The following VPS8 variants were observed in gnomAD, a reference collection of about 807,000 sequenced individuals.
The protein encoded by VPS8 is vacuolar protein sorting-associated protein 8 homolog.
A neutral mutation model predicts 216.4 loss-of-function variants in VPS8; 129 were observed. The observed-to-expected ratio is 0.60, with a 90% CI of 0.52 to 0.69. VPS8 has a LOEUF of 0.69. Among genes scored for constraint, VPS8 ranks in the 30% least tolerant of loss-of-function variants. The pLI, the probability that VPS8 is intolerant of heterozygous loss-of-function variation, is 0.00. For missense variants in VPS8, 1,531 were observed against 1,683.5 expected (o/e 0.91, Z 1.59); for synonymous variants, 571 against 565.4 (o/e 1.01, Z -0.14).
At chr3:185,014,520 T>A (rs1236015273) in intron 45 of VPS8, among the ~76,000 whole-genome samples, 1 of 152,214 alleles carries the variant, frequency 6.6e-6, no homozygotes, top group Non-Finnish European at 1.5e-5. Flanking sequence ...ATTTGCCAAG[T>A]TTTTGCTATC....
chr3:184,833,731 A>G (rs1045404199), intron 4 of VPS8, among the ~76,000 whole-genome samples: 3 of 152,122 alleles, frequency 2.0e-5, no homozygotes, highest in African/African-American at 7.2e-5. Flanking sequence ...ACACCTTTAC[A>G]TCTTCATATT....
intron 25 of VPS8, chr3:184,901,223 A>G (rs914209999): frequency 4.8e-5 from 20 of 415,616 alleles, no homozygotes; most frequent in African/African-American, 3.3e-4. Flanking sequence ...TTCTGTCACT[A>G]TACTTCATGT....
rs1331256446 is a variant in VPS8 at position 184,975,382 on chromosome 3, T to G, written c.3420+3630T>G. Among the ~76,000 whole-genome samples, 5 of 152,272 alleles carry G rather than the reference T, an allele frequency of 3.3e-5. No homozygotes were observed. The East Asian group carries it at 9.6e-4, about 29-fold the overall frequency. On this transcript the variant is annotated intron_variant, in intron 40 of 47. Transcript: ENST00000625842. ...ATTGGTATGTAGAAATGCTACTGATTGTTGAATGTTGATTTTTGAATCCAG... is the reference window on the plus strand; with the variant it reads ...ATTGGTATGTAGAAATGCTACTGATGGTTGAATGTTGATTTTTGAATCCAG...
chr3:185,019,762 A>G (rs62289500), intron 45 of VPS8, among the ~76,000 whole-genome samples: 7,987 of 152,292 alleles, frequency 0.052, 240 homozygotes, highest in Non-Finnish European at 0.062. Flanking sequence ...TTTATGGCCA[A>G]TTTTGGGGCC....
intron 21 of VPS8, among the ~76,000 whole-genome samples, chr3:184,881,325 G>C (rs990306999): frequency 6.6e-6 from 1 of 152,122 alleles, no homozygotes; most frequent in South Asian, 2.1e-4. Flanking sequence ...TTTTACATAA[G>C]ATATGAGACT....
At chr3:185,019,184 G>T (rs112601223) in intron 45 of VPS8, among the ~76,000 whole-genome samples, 12,539 of 152,092 alleles carry the variant, frequency 0.082, 704 homozygotes, top group Non-Finnish European at 0.11. Flanking sequence ...CTCACCATGG[G>T]GATTGCTTAA....
intron 34 of VPS8, 95 bp from the exon 35 acceptor site, chr3:184,936,151 C>T (rs1741566868): frequency 9.9e-6 from 10 of 1,010,350 alleles, no homozygotes; most frequent in Admixed American, 4.9e-5. Flanking sequence ...TGGAAGCTTG[C>T]GACTGTATTG....
At chr3:184,963,394 T>C (rs1434958535) in intron 37 of VPS8, among the ~76,000 whole-genome samples, 2 of 152,136 alleles carry the variant, frequency 1.3e-5, no homozygotes, top group African/African-American at 2.4e-5. Context: ...CCTGCACATA[T>C]TAAATTTGTT....
chr3:184,861,426 T>C (rs1726357292), intron 15 of VPS8, among the ~76,000 whole-genome samples: 2 of 152,248 alleles, frequency 1.3e-5, no homozygotes, highest in African/African-American at 2.4e-5. Flanking sequence ...CATGATTTAT[T>C]GATTTAGTTG....
intron 46 of VPS8, among the ~76,000 whole-genome samples, chr3:185,038,870 G>T (rs924240108): frequency 3.3e-5 from 5 of 152,180 alleles, no homozygotes; most frequent in African/African-American, 1.2e-4. Context: ...GGGCAAGGGT[G>T]ATCAGAGACC....
intron 28 of VPS8, among the ~76,000 whole-genome samples, chr3:184,919,394 T>C (rs1738208543): frequency 6.6e-6 from 1 of 152,178 alleles, no homozygotes; most frequent in Admixed American, 6.5e-5. Flanking sequence ...CAGTAAAAAT[T>C]TTCATTTCCA....
At chr3:184,987,658 A>C (rs1751317864) in intron 42 of VPS8, among the ~76,000 whole-genome samples, 1 of 152,176 alleles carries the variant, frequency 6.6e-6, no homozygotes. Context: ...GTTGCCTTCC[A>C]GTTCTGAAAA....
Position 184,969,161 on chromosome 3 carries a change from A to G in VPS8, c.3316+2448A>G, listed in dbSNP as rs145546875. Among the ~76,000 whole-genome samples, 1,313 of 152,258 alleles carry G rather than the reference A, an allele frequency of 8.6e-3. 16 individuals are homozygous for G. The highest frequency in any genetic ancestry group is 0.024 in the African/African-American group (1,014 of 41,538). On this transcript the variant is annotated intron_variant, in intron 39 of 47. Transcript: ENST00000625842. Reference sequence around the variant, plus strand: ...GGGACGGCGTCTCGCTCTGTTGCCCAGGCTGGAGTGCAGTGGCGCAATCTT... The same window carrying G: ...GGGACGGCGTCTCGCTCTGTTGCCCGGGCTGGAGTGCAGTGGCGCAATCTT...
At chr3:184,999,410 TTTG>T (rs1412662250) in intron 44 of VPS8, among the ~76,000 whole-genome samples, 1 of 152,210 alleles carries the variant, frequency 6.6e-6, no homozygotes, top group Non-Finnish European at 1.5e-5. Flanking sequence ...GATTTCATAG[TTTG>T]AGAAATGAAC....
At chr3:184,887,906 T>A (rs1731576400) in intron 22 of VPS8, among the ~76,000 whole-genome samples, 1 of 152,166 alleles carries the variant, frequency 6.6e-6, no homozygotes. Context: ...GGGGCTCAAA[T>A]TTATTCCAGT....
chr3:184,904,796 T>G (rs1216498545), intron 25 of VPS8, among the ~76,000 whole-genome samples: 1 of 152,228 alleles, frequency 6.6e-6, no homozygotes, highest in Non-Finnish European at 1.5e-5. Context: ...TTTTTAATGT[T>G]TGACAGAATT....
chr3:185,033,211 T>C (rs1428633806), intron 46 of VPS8, among the ~76,000 whole-genome samples: 1 of 152,206 alleles, frequency 6.6e-6, no homozygotes, highest in African/African-American at 2.4e-5. Flanking sequence ...GATAAATGTA[T>C]AATGAAATGT....
chr3:184,990,954 G>A (rs1197102043), intron 42 of VPS8, among the ~76,000 whole-genome samples: 1 of 150,960 alleles, frequency 6.6e-6, no homozygotes, highest in East Asian at 1.9e-4. Flanking sequence ...AATATTAGGT[G>A]ATAAAAGAAC....
At chr3:184,829,549 G>A (rs1413519994) in intron 3 of VPS8, among the ~76,000 whole-genome samples, 2 of 152,148 alleles carry the variant, frequency 1.3e-5, no homozygotes, top group Admixed American at 1.3e-4. Context: ...ATACCTAGGA[G>A]GGGAATTAGT....
Sources: allele counts gnomAD v4.1 joint callset (sites outside exome capture counted in the v4.1 genomes callset), GRCh38; gene constraint gnomAD v4.1.1; transcripts MANE v1.5; gene names NCBI Gene and HGNC (gene_info 2026-07-23, HGNC 2026-07-21).